The following DOCK3 variants were observed in gnomAD, a reference collection of about 807,000 sequenced individuals.
The protein encoded by DOCK3 is dedicator of cytokinesis protein 3.
In DOCK3, 60 loss-of-function variants were observed where a neutral mutation model predicts 265.6. The ratio of observed to expected loss-of-function variants is 0.23; its 90% confidence interval spans 0.18 to 0.28. DOCK3 has a LOEUF of 0.28. Among genes scored for constraint, DOCK3 ranks in the 10% least tolerant of loss-of-function variants. The pLI is 1.00. For missense variants in DOCK3, 1,981 were observed against 2,594.3 expected, an observed-to-expected ratio of 0.76 and a Z score of 5.14; for synonymous variants, 881 against 938.0, an observed-to-expected ratio of 0.94 and a Z score of 1.11.
chr3:51,081,237 C>A (rs565301928), intron 7 of DOCK3, among the ~76,000 whole-genome samples: 1 of 151,990 alleles, frequency 6.6e-6, no homozygotes, highest in South Asian at 2.1e-4. Context: ...TTCTTCTTAC[C>A]CATGTGATAT....
intron 9 of DOCK3, among the ~76,000 whole-genome samples, chr3:51,125,140 A>T (rs1449273143): frequency 2.6e-5 from 4 of 152,268 alleles, no homozygotes; most frequent in South Asian, 2.1e-4. Flanking sequence ...ATAAATAAAT[A>T]GCCATACTTT....
At chr3:50,716,410 C>T (rs1275155248) in intron 1 of DOCK3, among the ~76,000 whole-genome samples, 3 of 152,020 alleles carry the variant, frequency 2.0e-5, no homozygotes, top group Admixed American at 6.6e-5. Flanking sequence ...CACCTGTAGT[C>T]CCAGTTACTT....
intron 2 of DOCK3, among the ~76,000 whole-genome samples, chr3:50,783,017 T>TTGTG (rs34798184): frequency 1.7e-4 from 25 of 146,938 alleles, no homozygotes; most frequent in African/African-American, 2.3e-4. Flanking sequence ...GTGTGTATAT[T>TTGTG]TGTGTGTGTG....
intron 1 of DOCK3, among the ~76,000 whole-genome samples, chr3:50,722,681 G>A (rs889928805): frequency 1.3e-5 from 2 of 152,018 alleles, no homozygotes; most frequent in Admixed American, 6.6e-5. Flanking sequence ...AGCAAATAGG[G>A]GACTTTAGTA....
intron 4 of DOCK3, among the ~76,000 whole-genome samples, chr3:50,918,645 A>G (rs1330161512): frequency 1.3e-5 from 2 of 152,098 alleles, no homozygotes; most frequent in African/African-American, 4.8e-5. Context: ...AGTTCTTTGT[A>G]GATTCTGGAT....
At chr3:50,933,107 G>A (rs1381322443) in intron 4 of DOCK3, among the ~76,000 whole-genome samples, 7 of 152,050 alleles carry the variant, frequency 4.6e-5, no homozygotes, top group Admixed American at 4.6e-4. Flanking sequence ...AGAACAGCCT[G>A]GGAAAGACCC....
intron 16 of DOCK3, among the ~76,000 whole-genome samples, chr3:51,227,665 C>A (rs2090387187): frequency 6.6e-6 from 1 of 152,134 alleles, no homozygotes; most frequent in Admixed American, 6.5e-5. Context: ...TGGTGTCTGA[C>A]CTAGTGTCTG....
chr3:51,278,088 C>T (rs1311275799), intron 26 of DOCK3: 1 of 985,172 alleles, frequency 1.0e-6, no homozygotes, highest in Admixed American at 6.2e-5. Context: ...GAAAAACAGA[C>T]TATTTCTTCT....
rs1047583281 is a variant in DOCK3 at position 51,361,744 on chromosome 3, C to T, written c.5007-115C>T. 83 of 1,406,248 alleles carry T rather than the reference C, an allele frequency of 5.9e-5. No individual in the cohort carries two copies. Among genetic ancestry groups the T allele is most frequent in the Middle Eastern group, 4.3e-4 (2 of 4,700 alleles). The allele number at this position is 1,406,248 out of a possible 1,614,324, so 87.1% of individuals were successfully genotyped here. A position where few individuals can be genotyped will look rare whatever the true frequency, so the allele number is the denominator to read the frequency against. ...GGGTATGAGCATTGACTATGGAACC[C>T]TCCAAACCGGTGGTAGCTGAAACCA... is the stretch of plus-strand genomic sequence containing the variant. On this transcript the variant is annotated intron_variant, in intron 47 of 52. Transcript: ENST00000266037. The surrounding 1 kb of genome is among the most constrained non-coding windows in gnomAD (Gnocchi z 4.2).
chr3:51,351,258 A>G (rs1293230120), intron 40 of DOCK3, among the ~76,000 whole-genome samples: 1 of 152,208 alleles, frequency 6.6e-6, no homozygotes, highest in Non-Finnish European at 1.5e-5. Flanking sequence ...CAATATCTTT[A>G]ACTAAAGTTC....
chr3:51,300,369 C>T (rs755247006), intron 27 of DOCK3, among the ~76,000 whole-genome samples: 1 of 151,882 alleles, frequency 6.6e-6, no homozygotes, highest in Non-Finnish European at 1.5e-5. Flanking sequence ...TTTGACTTCA[C>T]TTCCTATTTG....
chr3:51,019,866 C>T (rs560856631), intron 5 of DOCK3, among the ~76,000 whole-genome samples: 1 of 151,824 alleles, frequency 6.6e-6, no homozygotes, highest in African/African-American at 2.4e-5. Flanking sequence ...TTTTCTTTAT[C>T]CAGTCTATCA....
chr3:50,872,088 T>C (rs2047458662), intron 3 of DOCK3, among the ~76,000 whole-genome samples: 1 of 152,232 alleles, frequency 6.6e-6, no homozygotes, highest in South Asian at 2.1e-4. Flanking sequence ...GATATGGTCT[T>C]GATACTTGTA....
intron 38 of DOCK3, among the ~76,000 whole-genome samples, chr3:51,348,302 C>T (rs1435471712): frequency 6.6e-6 from 1 of 152,206 alleles, no homozygotes; most frequent in Admixed American, 6.5e-5. Context: ...AGGAAATTGT[C>T]AGACCTACTG....
chr3:51,081,496 G>A (rs1470764056), intron 7 of DOCK3, among the ~76,000 whole-genome samples: 1 of 152,160 alleles, frequency 6.6e-6, no homozygotes, highest in Non-Finnish European at 1.5e-5. Context: ...CAGTATGATA[G>A]GTAATATGCT....
intron 1 of DOCK3, among the ~76,000 whole-genome samples, chr3:50,742,797 C>T (rs2039146413): frequency 6.6e-6 from 1 of 152,214 alleles, no homozygotes; most frequent in African/African-American, 2.4e-5. Flanking sequence ...GGAGAACTTC[C>T]CCAATCTAGC....
Position 51,359,160 on chromosome 3 carries a change from T to C in DOCK3, c.4884+1083T>C, listed in dbSNP as rs943346357. ...ATGGCCACAGGAGCCCTGAGGGAGG[T>C]TGCACTACTTAAACTCAGTGGGCCT... On this transcript the variant is annotated intron_variant, in intron 46 of 52. Transcript: ENST00000266037. This position sits in a 1 kb window ranked among gnomAD's most constrained non-coding sequence, Gnocchi z 4.8. Among the ~76,000 whole-genome samples, 1 of 152,116 alleles carries C rather than the reference T, an allele frequency of 6.6e-6. No homozygotes were observed. The highest frequency in any genetic ancestry group is 1.5e-5 in the Non-Finnish European group (1 of 68,016).
intron 24 of DOCK3, among the ~76,000 whole-genome samples, chr3:51,274,270 G>C (rs576606429): frequency 1.3e-5 from 2 of 152,286 alleles, no homozygotes; most frequent in Non-Finnish European, 2.9e-5. Context: ...ACAAGCCTGT[G>C]GGGGAAAGGG....
chr3:51,088,962 G>A (rs575270697), intron 7 of DOCK3, among the ~76,000 whole-genome samples: 4 of 152,266 alleles, frequency 2.6e-5, no homozygotes, highest in Admixed American at 2.0e-4. Flanking sequence ...TTAGTACCAG[G>A]CACCGACTTG....
Sources: allele counts gnomAD v4.1 joint callset (sites outside exome capture counted in the v4.1 genomes callset), GRCh38; gene constraint gnomAD v4.1.1; non-coding constraint Gnocchi (gnomAD v3.1); transcripts MANE v1.5; gene names NCBI Gene and HGNC (gene_info 2026-07-23, HGNC 2026-07-21).